The following ARHGAP39 variants were observed in gnomAD, a reference collection of about 807,000 sequenced individuals.
The protein encoded by ARHGAP39 is Rho GTPase activating protein 39.
A neutral mutation model predicts 106.9 loss-of-function variants in ARHGAP39; 44 were observed. The observed-to-expected ratio is 0.41, with a 90% CI of 0.32 to 0.53. ARHGAP39 has a LOEUF of 0.53. Ranked by LOEUF, ARHGAP39 falls within the 20% of genes least tolerant of loss-of-function variation. ARHGAP39 has a pLI of 0.21. For synonymous variants in ARHGAP39, 768 were observed against 693.2 expected, an observed-to-expected ratio of 1.11 and a Z score of -1.69; for missense variants, 1,496 against 1,577.3, an observed-to-expected ratio of 0.95 and a Z score of 0.87.
the ARHGAP39 span, among the ~76,000 whole-genome samples, chr8:144,691,854 G>T: frequency 5.3e-5 from 8 of 152,014 alleles, no homozygotes; most frequent in Admixed American, 1.3e-4. Flanking sequence ...GGGCCATTAA[G>T]CGGCGGGGTG....
At chr8:144,628,091 G>A (rs538518493) in intron 1 of ARHGAP39, among the ~76,000 whole-genome samples, 2 of 152,360 alleles carry the variant, frequency 1.3e-5, no homozygotes, top group South Asian at 4.1e-4. Flanking sequence ...CAGCCTCTCA[G>A]GCTCTCACTC....
chr8:144,653,203 G>C (rs879829403), intron 1 of ARHGAP39, among the ~76,000 whole-genome samples: 1 of 152,122 alleles, frequency 6.6e-6, no homozygotes, highest in Non-Finnish European at 1.5e-5. Context: ...GACTGAGGCA[G>C]GAATCCACAA....
intron 1 of ARHGAP39, among the ~76,000 whole-genome samples, chr8:144,652,852 CA>C (rs1379880293): frequency 6.6e-6 from 1 of 151,872 alleles, no homozygotes; most frequent in East Asian, 1.9e-4. Flanking sequence ...ATCTGTACAA[CA>C]AACCCCCGTG....
chr8:144,636,323 C>A (rs566340685), intron 1 of ARHGAP39, among the ~76,000 whole-genome samples: 18 of 152,258 alleles, frequency 1.2e-4, no homozygotes, highest in Admixed American at 5.9e-4. Flanking sequence ...GGAGGATTAG[C>A]AATTAAGAGT....
chr8:144,602,290 T>C (rs1820031519), intron 2 of ARHGAP39, among the ~76,000 whole-genome samples: 1 of 133,960 alleles, frequency 7.5e-6, no homozygotes, highest in African/African-American at 2.9e-5. Flanking sequence ...TGGAGGCGTG[T>C]GTGCTCGTGT....
intron 2 of ARHGAP39, among the ~76,000 whole-genome samples, chr8:144,602,280 TGGA>T (rs1820030359): frequency 9.1e-6 from 1 of 109,672 alleles, no homozygotes; most frequent in Non-Finnish European, 1.7e-5. Context: ...TGTGTGTGCG[TGGA>T]GGCGTGTGTG....
intron 2 of ARHGAP39, among the ~76,000 whole-genome samples, chr8:144,594,618 C>T (rs556615260): frequency 2.0e-5 from 3 of 150,784 alleles, no homozygotes; most frequent in South Asian, 2.1e-4. Flanking sequence ...CGCTCGAACC[C>T]GGGAGGCGGA....
chr8:144,659,007 G>A (rs78024664), intron 1 of ARHGAP39, among the ~76,000 whole-genome samples: 12 of 152,078 alleles, frequency 7.9e-5, no homozygotes, highest in African/African-American at 1.9e-4. Flanking sequence ...CATGGATGTG[G>A]CAGCCCAACA....
chr8:144,638,242 T>C (rs1263699703), intron 1 of ARHGAP39, among the ~76,000 whole-genome samples: 2 of 152,248 alleles, frequency 1.3e-5, no homozygotes, highest in Non-Finnish European at 1.5e-5. Flanking sequence ...GGCACTGCCC[T>C]GGATGACTTC....
chr8:144,578,283 C>T (rs1415667635), intron 3 of ARHGAP39, among the ~76,000 whole-genome samples: 2 of 152,134 alleles, frequency 1.3e-5, no homozygotes, highest in African/African-American at 4.8e-5. Flanking sequence ...GGCTGGGGTA[C>T]AGTGGTGCGA....
At chr8:144,532,237 G>C (rs574195740) in intron 10 of ARHGAP39, 68 bp downstream of exon 10, 27 of 1,447,830 alleles carry the variant, frequency 1.9e-5, no homozygotes, top group Middle Eastern at 2.0e-4. Context: ...CAGAGGCGGA[G>C]ACAGGGGCCC....
intron 1 of ARHGAP39, chr8:144,683,607 A>G (rs1476298972): frequency 6.6e-6 from 1 of 151,924 alleles, no homozygotes; most frequent in East Asian, 2.0e-4. Context: ...CCAGCTTCCC[A>G]AAGTGCTGGC....
chr8:144,557,379 T>C (rs1817973804), intron 3 of ARHGAP39, among the ~76,000 whole-genome samples: 1 of 128,406 alleles, frequency 7.8e-6, no homozygotes, highest in African/African-American at 2.8e-5. Context: ...TGAACCTTCA[T>C]AGTATTCAGT....
Position 144,644,073 on chromosome 8 carries a change from G to A in ARHGAP39, c.-81-38378C>T, listed in dbSNP as rs575356499. ...CAATTCCACTCCCAGGAATCTAGTCGGGAGACATGAAGTCACAAATGCACA... is the reference window on the plus strand; with the variant it reads ...CAATTCCACTCCCAGGAATCTAGTCAGGAGACATGAAGTCACAAATGCACA... On this transcript the variant is annotated intron_variant, in intron 1 of 11. Transcript: ENST00000377307. This position sits in a 1 kb window ranked among gnomAD's most constrained non-coding sequence, Gnocchi z 4.8. 2.6e-5 allele frequency among the ~76,000 whole-genome samples: 4 copies of A among 152,226 alleles called. No homozygotes were observed. The highest frequency in any genetic ancestry group is 1.9e-4 in the East Asian group (1 of 5,178).
chr8:144,546,712 A>G (rs1031427374), intron 5 of ARHGAP39, among the ~76,000 whole-genome samples: 3 of 151,898 alleles, frequency 2.0e-5, no homozygotes, highest in African/African-American at 7.3e-5. Flanking sequence ...TACCCGAGGG[A>G]GCCTCGGGGA....
chr8:144,698,892 G>T, the ARHGAP39 span: 1 of 455,808 alleles, frequency 2.2e-6, no homozygotes, highest in African/African-American at 2.0e-5. Flanking sequence ...CTCCCTTGGG[G>T]GGGTTGGGGG....
intron 3 of ARHGAP39, among the ~76,000 whole-genome samples, chr8:144,565,720 C>T (rs1818370150): frequency 6.6e-6 from 1 of 151,742 alleles, no homozygotes; most frequent in Non-Finnish European, 1.5e-5. Flanking sequence ...GGAAATTATC[C>T]CACAGAGTCA....
chr8:144,601,340 GTGTACCTGTGTGCGTGTGCGAGCTCA>G (rs550042354), intron 2 of ARHGAP39, among the ~76,000 whole-genome samples: 1,746 of 143,646 alleles, frequency 0.012, 16 homozygotes, highest in Non-Finnish European at 0.02. Context: ...GTGTGTGCTC[GTGTACCTGTGTGCGTGTGCGAGCTCA>G]TGTACCTGTG....
chr8:144,615,373 G>A (rs550374537), intron 1 of ARHGAP39, among the ~76,000 whole-genome samples: 3 of 151,086 alleles, frequency 2.0e-5, no homozygotes, highest in African/African-American at 7.3e-5. Flanking sequence ...AGTGAAGCAC[G>A]TGGGCCTTCT....
Sources: allele counts gnomAD v4.1 joint callset (sites outside exome capture counted in the v4.1 genomes callset), GRCh38; gene constraint gnomAD v4.1.1; non-coding constraint Gnocchi (gnomAD v3.1); transcripts MANE v1.5; gene names NCBI Gene and HGNC (gene_info 2026-07-23, HGNC 2026-07-21).